TRIM27: variants seen among roughly 807,000 people sequenced by gnomAD.
TRIM27 encodes the protein zinc finger protein RFP.
A neutral mutation model predicts 57.6 loss-of-function variants in TRIM27; 12 were observed. The ratio of observed to expected loss-of-function variants is 0.21; its 90% CI spans 0.13 to 0.34. The LOEUF (loss-of-function observed/expected upper bound fraction) is 0.34. Ranked by LOEUF, TRIM27 falls within the 10% of genes least tolerant of loss-of-function variation. The pLI is 1.00. For missense variants in TRIM27, 403 were observed against 656.8 expected (o/e 0.61, Z 4.22); for synonymous variants, 266 against 259.0 (o/e 1.03, Z -0.26).
chr6:28,919,138 G>A (rs958897119), intron 3 of TRIM27, among the ~76,000 whole-genome samples: 5 of 151,800 alleles, frequency 3.3e-5, no homozygotes, highest in African/African-American at 4.8e-5. Context: ...TCAGCCTCCC[G>A]CGTAGCTGGG....
intron 7 of TRIM27, chr6:28,906,350 T>G (rs1330200336): frequency 2.0e-5 from 3 of 152,310 alleles, no homozygotes; most frequent in East Asian, 3.9e-4. Context: ...AAATTTTTAC[T>G]CCCACAAAAG....
rs756449011 is a variant in TRIM27, at chr6:28,904,313, G to A, written c.1299C>T (p.Leu433=). 3.1e-6 allele frequency: 5 copies of A among 1,613,046 alleles called. No homozygotes were observed. Among genetic ancestry groups the A allele is most frequent in the Admixed American group, 3.3e-5 (2 of 60,024 alleles). Residue 433 remains leucine, a synonymous_variant, in exon 8 of 8, where the codon CTC becomes CTT. Coordinates refer to ENST00000377199, the MANE Select transcript of TRIM27 (RefSeq NM_006510.5). This position sits in a 1 kb window ranked among gnomAD's most constrained non-coding sequence, Gnocchi z 6.1. ...AGTCCAAGAAAATCCCCACCCGCTG[G>A]AGCGGGGTCCGCAGGGGTAGGGCAG... is the stretch of plus-strand genomic sequence containing the variant. ...PMTALPLRTP[L]QRVGIFLDYD...
chr6:28,908,221 A>C (rs1772921305), intron 6 of TRIM27: 1 of 154,200 alleles, frequency 6.5e-6, no homozygotes, highest in Admixed American at 6.5e-5. Flanking sequence ...GAAGTGTTAG[A>C]AATGGTAACT....
chr6:28,909,937 GAAGT>G (rs1475071350), intron 4 of TRIM27, among the ~76,000 whole-genome samples: 31 of 152,210 alleles, frequency 2.0e-4, no homozygotes, highest in African/African-American at 5.1e-4. Flanking sequence ...TGGCCTATGA[GAAGT>G]AAGACGTATC....
intron 3 of TRIM27, among the ~76,000 whole-genome samples, chr6:28,915,978 A>G (rs1236425505): frequency 1.3e-5 from 2 of 152,046 alleles, no homozygotes; most frequent in Non-Finnish European, 2.9e-5. Context: ...GTGCAATGGC[A>G]CGATCTCGGC....
intron 3 of TRIM27, chr6:28,915,245 C>CAT (rs972977299): frequency 3.4e-5 from 5 of 147,386 alleles, no homozygotes; most frequent in Non-Finnish European, 7.4e-5. Context: ...CTCCTTTCCT[C>CAT]ATCATCCACC....
intron 6 of TRIM27, chr6:28,908,558 A>C (rs543388669): frequency 2.1e-6 from 1 of 474,062 alleles, no homozygotes; most frequent in East Asian, 3.2e-5. Flanking sequence ...GGATTGATTA[A>C]TTTTTGGATT....
chr6:28,908,701 G>T, intron 6 of TRIM27, 107 bp downstream of exon 6: 1 of 952,856 alleles, frequency 1.0e-6, no homozygotes, highest in Non-Finnish European at 1.6e-6. Flanking sequence ...TATCAGGGAA[G>T]GCTGGCCAAT....
chr6:28,909,174 C>G (rs1453074100), intron 4 of TRIM27, 86 bp from the exon 5 acceptor site: 1 of 905,252 alleles, frequency 1.1e-6, no homozygotes, highest in African/African-American at 1.7e-5. Context: ...ATGGCGCCAT[C>G]TCGGCCCACC....
At position 28,923,470 on chromosome 6, in the gene TRIM27, G is replaced by C; in HGVS notation, c.163C>G (p.Gln55Glu). Reference sequence around the variant, plus strand: ...CTCTGCGGGAAGGTCTCCCGGCACTGCGGGCACGACACGTTAGTCTCTGCC... The same window carrying C: ...CTCTGCGGGAAGGTCTCCCGGCACTCCGGGCACGACACGTTAGTCTCTGCC... ...GTAETNVSCP[Q>E]CRETFPQRHM... Residue 55 changes from glutamine to glutamate, a missense_variant, in exon 1 of 8, where the codon CAG becomes GAG. Coordinates refer to ENST00000377199, the MANE Select transcript of TRIM27 (RefSeq NM_006510.5). The C allele has an allele frequency of 1.2e-6, 2 of 1,612,230 alleles. No individual in the cohort carries two copies. Among genetic ancestry groups the C allele is most frequent in the Non-Finnish European group, 1.7e-6 (2 of 1,179,606 alleles).
Position 28,904,862 on chromosome 6 carries a change from A to T in TRIM27, c.947-197T>A, listed in dbSNP as rs541321112. 1 of 568,048 alleles carries T rather than the reference A, an allele frequency of 1.8e-6. No homozygotes were observed. Among genetic ancestry groups the T allele is most frequent in the Non-Finnish European group, 3.1e-6 (1 of 321,138 alleles). The allele number at this position is 568,048 out of a possible 1,614,324, so 35.2% of individuals were successfully genotyped here. A position where few individuals can be genotyped will look rare whatever the true frequency, so the allele number is the denominator to read the frequency against. On this transcript the variant is annotated intron_variant, in intron 7 of 7. Transcript: ENST00000377199. The surrounding 1 kb of genome is among the most constrained non-coding windows in gnomAD (Gnocchi z 6.1). ...CTGGTTACCAGAATACTCTGAAAAT[A>T]CAGAATTTTAGCCCCGTATCTTTTC...
chr6:28,907,114 T>A, intron 7 of TRIM27, 122 bp downstream of exon 7: 1 of 901,332 alleles, frequency 1.1e-6, no homozygotes, highest in Non-Finnish European at 1.7e-6. Context: ...TTGTGTATCA[T>A]CTTTATACAT....
intron 3 of TRIM27, among the ~76,000 whole-genome samples, chr6:28,919,696 A>C (rs531947472): frequency 6.6e-6 from 1 of 152,298 alleles, no homozygotes; most frequent in East Asian, 1.9e-4. Context: ...TTACTGAACA[A>C]ATGAGGTCAC....
Position 28,923,946 on chromosome 6 carries a change from G to A in TRIM27, c.-314C>T. The A allele has an allele frequency of 2.6e-6, 1 of 381,376 alleles. No homozygotes were observed. The highest frequency in any genetic ancestry group is 4.7e-6 in the Non-Finnish European group (1 of 214,314). The allele number at this position is 381,376 out of a possible 1,614,324, so 23.6% of individuals were successfully genotyped here. A position where few individuals can be genotyped will look rare whatever the true frequency, so the allele number is the denominator to read the frequency against. On this transcript the variant is annotated 5_prime_UTR_variant, in exon 1 of 8. Coordinates refer to ENST00000377199, the MANE Select transcript of TRIM27 (RefSeq NM_006510.5). ...AGGGCCAGGCGGGCAAAGCGCGCAA[G>A]ACAACGTGGCCGCGTCCGAGCGGAT... is the stretch of plus-strand genomic sequence containing the variant.
Position 28,920,015 on chromosome 6 carries a change from C to A in TRIM27, c.744G>T (p.Leu248=). ...AGCAGGGCTCTGCAAGCCTTACCTG[C>A]AGGAGCTCCCTGGTGGGCTGCTGCT... ...EKQQQPTREL[L]QDIGDTLSRA... The change falls in exon 3 of 8, where the codon CTG becomes CTT. Residue 248 remains leucine, a synonymous_variant. Transcript: ENST00000377199. The A allele has an allele frequency of 1.2e-6, 2 of 1,611,460 alleles. No homozygotes were observed. Among genetic ancestry groups the A allele is most frequent in the South Asian group, 2.2e-5 (2 of 90,816 alleles).
chr6:28,908,593 C>T lies in TRIM27; in HGVS notation c.919+215G>A. ...TGCTTATTTTTCTCCTCCATCAATG[C>T]AGACTGCGAATTGACTAAATACAGT... On this transcript the variant is annotated intron_variant, in intron 6 of 7. Transcript: ENST00000377199. 4 of 509,518 alleles carry T rather than the reference C, an allele frequency of 7.9e-6. No homozygotes were observed. In the South Asian group the frequency reaches 1.4e-4, roughly 18 times the overall value. 31.6% of individuals were successfully genotyped at this position (509,518 alleles called of 1,614,324 possible). A position where few individuals can be genotyped will look rare whatever the true frequency, so the allele number is the denominator to read the frequency against.
Position 28,904,008 on chromosome 6 carries a change from A to T in TRIM27, c.*62T>A. 1 of 1,418,542 alleles carries T rather than the reference A, an allele frequency of 7.0e-7. No homozygotes were observed. The highest frequency in any genetic ancestry group is 9.8e-7 in the Non-Finnish European group (1 of 1,024,366). 87.9% of individuals were successfully genotyped at this position (1,418,542 alleles called of 1,614,324 possible). The stretch of plus-strand genomic sequence containing the variant: ...CTGTGACAGGACGTGGCAAGGCAAC[A>T]AGATGCCTTGTGCCTGGCGTAGGAT... On this transcript the variant is annotated 3_prime_UTR_variant, in exon 8 of 8. Coordinates refer to ENST00000377199, the MANE Select transcript of TRIM27 (RefSeq NM_006510.5). This position sits in a 1 kb window ranked among gnomAD's most constrained non-coding sequence, Gnocchi z 6.1.
At chr6:28,917,493 G>C (rs1411471857) in intron 3 of TRIM27, among the ~76,000 whole-genome samples, 1 of 151,708 alleles carries the variant, frequency 6.6e-6, no homozygotes, top group Non-Finnish European at 1.5e-5. Context: ...CAGGAGAATT[G>C]CTTGAACTTG....
rs758894819 is a variant in TRIM27 at position 28,907,281 on chromosome 6, A to G, written c.920-19T>C. On this transcript the variant is annotated intron_variant, in intron 6 of 7. Coordinates refer to ENST00000377199, the MANE Select transcript of TRIM27 (RefSeq NM_006510.5). ...CTTAATTCTGAAAGAATAAAAGAGC[A>G]AAGTTATGGAAGTCATGAGGGTTTC... is the stretch of plus-strand genomic sequence containing the variant. 14 of 1,610,002 alleles carry G rather than the reference A, an allele frequency of 8.7e-6. No individual in the cohort carries two copies. The South Asian group carries it at 1.2e-4, about 14-fold the overall frequency.
Sources: gnomAD v4.1 joint callset for allele counts (sites outside exome capture counted in the v4.1 genomes callset) on GRCh38, gnomAD v4.1.1 for gene constraint, Gnocchi (gnomAD v3.1) non-coding constraint, MANE v1.5 for transcripts, NCBI Gene and HGNC (gene_info 2026-07-23, HGNC 2026-07-21) for gene names.